The following GPHN variants were observed in gnomAD, a reference collection of about 807,000 sequenced individuals.
The protein encoded by GPHN is gephyrin.
In GPHN, 17 loss-of-function variants were observed where a neutral mutation model predicts 95.5. The observed-to-expected ratio is 0.18, with a 90% CI of 0.12 to 0.27. The LOEUF (loss-of-function observed/expected upper bound fraction) is 0.27. Ranked by LOEUF, GPHN falls within the 10% of genes least tolerant of loss-of-function variation. The probability of loss-of-function intolerance (pLI) is 1.00; values close to 1 mark genes in which losing one functional copy is unlikely to be tolerated. For missense variants in GPHN, 660 were observed against 978.1 expected (o/e 0.67, Z 4.34); for synonymous variants, 320 against 322.5 (o/e 0.99, Z 0.08).
the GPHN span, among the ~76,000 whole-genome samples, chr14:67,598,161 T>C: frequency 3.9e-5 from 6 of 152,324 alleles, no homozygotes; most frequent in South Asian, 1.2e-3. Context: ...ATTCCAGATA[T>C]TCATTACTCT....
chr14:66,555,821 ATTTATT>A (rs2059987714), intron 1 of GPHN, among the ~76,000 whole-genome samples: 1 of 152,038 alleles, frequency 6.6e-6, no homozygotes, highest in Non-Finnish European at 1.5e-5. Flanking sequence ...AATGGTTTTC[ATTTATT>A]TTGGTAATCA....
chr14:67,072,525 G>T (rs1425330207), intron 11 of GPHN, among the ~76,000 whole-genome samples: 1 of 151,810 alleles, frequency 6.6e-6, no homozygotes, highest in African/African-American at 2.4e-5. Flanking sequence ...AGCAGCAGAG[G>T]GTAAGTATCA....
intron 9 of GPHN, among the ~76,000 whole-genome samples, chr14:66,999,334 G>A (rs956860385): frequency 4.0e-5 from 6 of 151,762 alleles, no homozygotes; most frequent in African/African-American, 1.5e-4. Flanking sequence ...ACTTTGCTCA[G>A]GTTGATTACA....
At chr14:67,025,309 G>C (rs2073869896) in intron 10 of GPHN, among the ~76,000 whole-genome samples, 1 of 152,088 alleles carries the variant, frequency 6.6e-6, no homozygotes, top group African/African-American at 2.4e-5. Flanking sequence ...ACGTTCATAA[G>C]GAAAAACATA....
At chr14:67,273,605 C>T in the GPHN span, among the ~76,000 whole-genome samples, 1 of 152,136 alleles carries the variant, frequency 6.6e-6, no homozygotes, top group Non-Finnish European at 1.5e-5. Flanking sequence ...GTCTTTATAG[C>T]AGCATGATTT....
the GPHN span, among the ~76,000 whole-genome samples, chr14:67,594,578 C>T: frequency 6.6e-6 from 1 of 151,180 alleles, no homozygotes; most frequent in Non-Finnish European, 1.5e-5. Flanking sequence ...ACCTGGGAGG[C>T]GGAGGCGGAG....
intron 2 of GPHN, among the ~76,000 whole-genome samples, chr14:66,756,244 A>G (rs1239179397): frequency 3.9e-5 from 6 of 152,198 alleles, no homozygotes; most frequent in East Asian, 3.8e-4. Context: ...TGTACATGTC[A>G]ATATTTAACA....
the GPHN span, among the ~76,000 whole-genome samples, chr14:67,550,531 G>C: frequency 6.6e-6 from 1 of 152,196 alleles, no homozygotes; most frequent in East Asian, 1.9e-4. Context: ...CAATTTAATG[G>C]CTAAAACTGG....
chr14:67,193,953 A>AC, the GPHN span, among the ~76,000 whole-genome samples: 7 of 148,052 alleles, frequency 4.7e-5, no homozygotes, highest in Non-Finnish European at 8.9e-5. Context: ...TCAAAAAAAA[A>AC]CAAAAAAAAA....
chr14:67,385,339 C>T, the GPHN span: 3 of 151,840 alleles, frequency 2.0e-5, no homozygotes, highest in African/African-American at 7.3e-5. Context: ...TGCCTGTAAC[C>T]CTGGCACTTA....
chr14:67,326,221 ATTTTTTTTTTTTTTT>A, the GPHN span, among the ~76,000 whole-genome samples: 22 of 12,914 alleles, frequency 1.7e-3, no homozygotes, highest in South Asian at 9.4e-3. Flanking sequence ...TTTAGGTCTG[ATTTTTTTTTTTTTTT>A]TTTTTTTTTT....
chr14:67,575,248 T>C, the GPHN span: 1 of 580,528 alleles, frequency 1.7e-6, no homozygotes, highest in South Asian at 2.2e-5. Context: ...GTGAAAGGGG[T>C]GGTTCCATTA....
the GPHN span, among the ~76,000 whole-genome samples, chr14:67,310,312 A>T: frequency 6.6e-6 from 1 of 152,210 alleles, no homozygotes; most frequent in African/African-American, 2.4e-5. Context: ...AGGATGAGCC[A>T]CAACACTTTC....
At chr14:67,575,648 C>T in the GPHN span, 1 of 700,262 alleles carries the variant, frequency 1.4e-6, no homozygotes, top group Non-Finnish European at 2.5e-6. Flanking sequence ...TGGTGCTTCT[C>T]CAAGCAAGCC....
At chr14:66,849,243 C>CA (rs1254359931) in intron 4 of GPHN, among the ~76,000 whole-genome samples, 1 of 151,710 alleles carries the variant, frequency 6.6e-6, no homozygotes, top group African/African-American at 2.4e-5. Context: ...AACTGTTCTA[C>CA]AAAAAAATTG....
At chr14:66,716,537 C>G (rs1011248356) in intron 2 of GPHN, among the ~76,000 whole-genome samples, 1 of 152,082 alleles carries the variant, frequency 6.6e-6, no homozygotes, top group Admixed American at 6.5e-5. Flanking sequence ...ATTCATCATG[C>G]TATTTGTTGC....
At chr14:66,696,863 A>G (rs752929103) in intron 2 of GPHN, among the ~76,000 whole-genome samples, 1 of 152,238 alleles carries the variant, frequency 6.6e-6, no homozygotes, top group Non-Finnish European at 1.5e-5. Flanking sequence ...CTTTTAAGAA[A>G]TGTATGTAGA....
chr14:66,990,675 T>A (rs1162620991), intron 9 of GPHN, among the ~76,000 whole-genome samples: 3 of 152,132 alleles, frequency 2.0e-5, no homozygotes, highest in Non-Finnish European at 4.4e-5. Context: ...ACAGTTACTT[T>A]TACATAACAG....
chr14:67,301,957 A>C, the GPHN span: 4 of 1,582,372 alleles, frequency 2.5e-6, no homozygotes, highest in Non-Finnish European at 2.6e-6. Context: ...AATGCCATGG[A>C]TTTCTTTGAA....
Sources: allele counts gnomAD v4.1 joint callset (sites outside exome capture counted in the v4.1 genomes callset), GRCh38; gene constraint gnomAD v4.1.1; transcripts MANE v1.5; gene names NCBI Gene and HGNC (gene_info 2026-07-23, HGNC 2026-07-21).